MRTFB: variants seen among roughly 807,000 people sequenced by gnomAD.
The protein encoded by MRTFB is myocardin-related transcription factor B.
Under a neutral mutation model 104.2 loss-of-function variants are expected in MRTFB, and 29 were observed. The observed-to-expected ratio is 0.28, with a 90% CI of 0.21 to 0.38. The LOEUF is 0.38. MRTFB is among the 10% of genes least tolerant of loss of function. The pLI is 1.00. For missense variants in MRTFB, 1,270 were observed against 1,341.6 expected (o/e 0.95, Z 0.83); for synonymous variants, 535 against 519.5 (o/e 1.03, Z -0.41).
intron 2 of MRTFB, among the ~76,000 whole-genome samples, chr16:14,101,576 A>T (rs1004995641): frequency 1.3e-5 from 2 of 152,198 alleles, no homozygotes; most frequent in Admixed American, 1.3e-4. Flanking sequence ...TTTGGGTTTG[A>T]TTGACAAATC....
At chr16:14,016,142 T>G in the MRTFB span, 1 of 395,418 alleles carries the variant, frequency 2.5e-6, no homozygotes, top group East Asian at 3.6e-5. Flanking sequence ...GTTACTTCAC[T>G]TCTCTGACTC....
At chr16:14,215,141 T>C (rs79074270) in intron 6 of MRTFB, among the ~76,000 whole-genome samples, 1 of 152,226 alleles carries the variant, frequency 6.6e-6, no homozygotes. Context: ...ACAAGCTTTA[T>C]TGATATAATT....
intron 2 of MRTFB, among the ~76,000 whole-genome samples, chr16:14,139,661 G>A (rs1304279090): frequency 6.6e-6 from 1 of 152,160 alleles, no homozygotes; most frequent in Non-Finnish European, 1.5e-5. Flanking sequence ...GAAAGCACAT[G>A]TCCATATAGA....
intron 8 of MRTFB, among the ~76,000 whole-genome samples, chr16:14,233,168 A>C (rs908008506): frequency 6.6e-6 from 1 of 152,218 alleles, no homozygotes; most frequent in South Asian, 2.1e-4. Flanking sequence ...GAGATTCAGC[A>C]ATTGTTAATT....
chr16:14,104,375 T>C (rs1355815243), intron 2 of MRTFB, among the ~76,000 whole-genome samples: 2 of 152,196 alleles, frequency 1.3e-5, no homozygotes, highest in African/African-American at 2.4e-5. Flanking sequence ...CTGAAATTCA[T>C]GTTCTCCACA....
chr16:14,143,620 C>T (rs549642009), intron 3 of MRTFB: 2 of 151,280 alleles, frequency 1.3e-5, no homozygotes, highest in East Asian at 3.9e-4. Flanking sequence ...AGTAACTCGT[C>T]ATTTAACATT....
chr16:14,228,386 C>G (rs1001586582), intron 8 of MRTFB, among the ~76,000 whole-genome samples: 1 of 152,144 alleles, frequency 6.6e-6, no homozygotes, highest in African/African-American at 2.4e-5. Context: ...ACCATCCTGG[C>G]CAACATGGTG....
chr16:14,201,372 A>G (rs572073932), intron 3 of MRTFB, among the ~76,000 whole-genome samples: 1 of 152,348 alleles, frequency 6.6e-6, no homozygotes, highest in Non-Finnish European at 1.5e-5. Context: ...ATATGTTTAC[A>G]TATTATTTCT....
In MRTFB at chr16:14,213,626, G is replaced by T; in HGVS notation, c.352+6G>T. On this transcript the variant is annotated splice_donor_region_variant and intron_variant, in intron 6 of 16. Coordinates refer to ENST00000571589, the MANE Select transcript of MRTFB (RefSeq NM_001308142.2). Reference sequence around the variant, plus strand: ...CAGGATGCACATTTTAGAAGGTAAAGGATTTATTTCTTCTTAATCTGCTGT... The same window carrying T: ...CAGGATGCACATTTTAGAAGGTAAATGATTTATTTCTTCTTAATCTGCTGT... 1 of 1,567,978 alleles carries T rather than the reference G, an allele frequency of 6.4e-7. No homozygotes were observed. The highest frequency in any genetic ancestry group is 8.7e-7 in the Non-Finnish European group (1 of 1,154,424).
At chr16:14,219,037 T>G in intron 8 of MRTFB, 39 bp downstream of exon 8, 1 of 1,532,150 alleles carries the variant, frequency 6.5e-7, no homozygotes, top group Non-Finnish European at 8.8e-7. Flanking sequence ...AGAAAGAAAA[T>G]GCCTTGTTTT....
the MRTFB span, among the ~76,000 whole-genome samples, chr16:14,054,990 C>A: frequency 6.6e-6 from 1 of 152,218 alleles, no homozygotes; most frequent in South Asian, 2.1e-4. Flanking sequence ...TTCCCAAAGA[C>A]CCTCCACCCA....
At chr16:14,184,752 C>A (rs1420703795) in intron 3 of MRTFB, among the ~76,000 whole-genome samples, 4 of 152,168 alleles carry the variant, frequency 2.6e-5, no homozygotes, top group African/African-American at 9.7e-5. Flanking sequence ...TGCTATTAAG[C>A]CTGTCTCAGG....
intron 8 of MRTFB, among the ~76,000 whole-genome samples, chr16:14,232,179 A>G (rs962818348): frequency 6.6e-6 from 1 of 152,208 alleles, no homozygotes; most frequent in African/African-American, 2.4e-5. Context: ...TTGCCAGGTA[A>G]GGATTTATAT....
rs1386381172 is a variant in MRTFB, at chr16:14,240,110, T to C, written c.832-127T>C. 5 of 1,164,788 alleles carry C rather than the reference T, an allele frequency of 4.3e-6. No individual in the cohort carries two copies. In the Admixed American group the frequency reaches 1.5e-4, roughly 35 times the overall value. 72.2% of individuals were successfully genotyped at this position (1,164,788 alleles called of 1,614,324 possible). A position where few individuals can be genotyped will look rare whatever the true frequency, so the allele number is the denominator to read the frequency against. ...TTTGAAACGAATTTAGCATATTGCT[T>C]TCCAAAGTGGCTGTACCCGTATCTA... On this transcript the variant is annotated intron_variant, in intron 9 of 16. Transcript: ENST00000571589.
chr16:14,254,292 A>G (rs573278862), intron 15 of MRTFB, among the ~76,000 whole-genome samples: 1 of 152,240 alleles, frequency 6.6e-6, no homozygotes, highest in Non-Finnish European at 1.5e-5. Context: ...ATAGCTATTA[A>G]TGTGGGTCAT....
At chr16:14,036,049 C>T in the MRTFB span, among the ~76,000 whole-genome samples, 1 of 145,220 alleles carries the variant, frequency 6.9e-6, no homozygotes, top group African/African-American at 2.5e-5. Flanking sequence ...GCTGCAAATG[C>T]CATTAATTCA....
At chr16:14,075,232 TA>T (rs1176808709) in intron 1 of MRTFB, among the ~76,000 whole-genome samples, 1 of 152,250 alleles carries the variant, frequency 6.6e-6, no homozygotes, top group East Asian at 1.9e-4. Context: ...TTTTTCTGTC[TA>T]ATATTGAGTG....
the MRTFB span, among the ~76,000 whole-genome samples, chr16:14,036,296 T>TATTTATA: frequency 4.1e-5 from 4 of 98,354 alleles, no homozygotes; most frequent in Non-Finnish European, 8.1e-5. Flanking sequence ...TTATATATAT[T>TATTTATA]TATATATATA....
chr16:14,205,166 A>G (rs2040885082), intron 3 of MRTFB, among the ~76,000 whole-genome samples: 1 of 152,168 alleles, frequency 6.6e-6, no homozygotes, highest in South Asian at 2.1e-4. Context: ...GGATGATGAT[A>G]TTATCGGTGA....
Sources: gnomAD v4.1 joint callset for allele counts (sites outside exome capture counted in the v4.1 genomes callset) on GRCh38, gnomAD v4.1.1 for gene constraint, MANE v1.5 for transcripts, NCBI Gene and HGNC (gene_info 2026-07-23, HGNC 2026-07-21) for gene names.